The following SNAP47 variants were observed in gnomAD, a reference collection of about 807,000 sequenced individuals.
SNAP47 encodes synaptosomal-associated protein 47.
In SNAP47, 20 loss-of-function variants were observed where a neutral mutation model predicts 31.4. That is an observed-to-expected ratio of 0.64 (90% confidence interval 0.45 to 0.93). The LOEUF (loss-of-function observed/expected upper bound fraction) is 0.93. Ranked by LOEUF, SNAP47 falls within the 40% of genes least tolerant of loss-of-function variation. The pLI is 0.00. For synonymous variants in SNAP47, 194 were observed against 213.4 expected (o/e 0.91, Z 0.79); for missense variants, 492 against 528.5 (o/e 0.93, Z 0.68).
chr1:227,770,513 T>G (rs1259740031), intron 4 of SNAP47: 1 of 154,802 alleles, frequency 6.5e-6, no homozygotes, highest in Non-Finnish European at 1.5e-5. Flanking sequence ...CCCTGCCTTC[T>G]ATGAAACTAT....
rs1045904454 is a variant in SNAP47, at chr1:227,763,388, G to C, written c.989-3571G>C. Among the ~76,000 whole-genome samples, 4 of 152,214 alleles carry C rather than the reference G, an allele frequency of 2.6e-5. No homozygotes were observed. The highest frequency in any genetic ancestry group is 9.7e-5 in the African/African-American group (4 of 41,446). On this transcript the variant is annotated intron_variant, in intron 3 of 4. Transcript: ENST00000617596. This position sits in a 1 kb window ranked among gnomAD's most constrained non-coding sequence, Gnocchi z 4.2. ...GCCTGTACCTCTGCTTCCCCGGGCC[G>C]TGTGTCTGTCTGCACAGCAGCACCA... is the stretch of plus-strand genomic sequence containing the variant.
chr1:227,761,008 C>T (rs575632527), intron 3 of SNAP47, among the ~76,000 whole-genome samples: 4 of 152,198 alleles, frequency 2.6e-5, no homozygotes, highest in Admixed American at 6.5e-5. Flanking sequence ...ATAGCTAATA[C>T]GCATGCATGT....
intron 2 of SNAP47, among the ~76,000 whole-genome samples, chr1:227,758,004 A>G (rs920147003): frequency 6.6e-6 from 1 of 152,190 alleles, no homozygotes; most frequent in East Asian, 1.9e-4. Context: ...GGGGAAAGAA[A>G]CAAATGAGCT....
chr1:227,733,443 T>G (rs775085027), upstream of SNAP47: 3 of 1,582,026 alleles, frequency 1.9e-6, no homozygotes, highest in Non-Finnish European at 2.6e-6. Context: ...TGCCAGCCAC[T>G]GGGCACAAAC....
intron 4 of SNAP47, among the ~76,000 whole-genome samples, chr1:227,771,445 C>T (rs1663796985): frequency 6.6e-6 from 1 of 152,156 alleles, no homozygotes; most frequent in South Asian, 2.1e-4. Flanking sequence ...AACATGCACA[C>T]AGCAGGAGGC....
At position 227,767,198 on chromosome 1, in the gene SNAP47, C is replaced by T. The variant is rs186917638; in HGVS notation, c.1113+115C>T. 5,470 of 1,457,512 alleles carry T rather than the reference C, an allele frequency of 3.8e-3. 48 individuals carry two copies. Among genetic ancestry groups the T allele is most frequent in the Non-Finnish European group, 4.5e-3 (4,891 of 1,081,464 alleles). 90.3% of individuals were successfully genotyped at this position (1,457,512 alleles called of 1,614,324 possible). A position where few individuals can be genotyped will look rare whatever the true frequency, so the allele number is the denominator to read the frequency against. On this transcript the variant is annotated intron_variant, in intron 4 of 4. Transcript: ENST00000617596. ...CTGGGTCATCCATCCGTATTGGCCT[C>T]GCACCAAGGAGGAGCTGCTGGCCTC...
intron 1 of SNAP47, among the ~76,000 whole-genome samples, chr1:227,740,109 C>G (rs533461378): frequency 2.4e-4 from 37 of 152,254 alleles, no homozygotes; most frequent in Admixed American, 1.6e-3. Context: ...AAAGCACCAA[C>G]TCTCTGGAGT....
intron 4 of SNAP47, chr1:227,770,724 A>C (rs555561338): frequency 3.3e-4 from 51 of 154,624 alleles, no homozygotes; most frequent in African/African-American, 1.2e-3. Context: ...GTACCTAATG[A>C]ATGTAAGATA....
chr1:227,733,045 C>G (rs1660777044), upstream of SNAP47: 1 of 1,612,772 alleles, frequency 6.2e-7, no homozygotes, highest in African/African-American at 1.3e-5. Context: ...GGGCACAGTG[C>G]AGGCAGGCCT....
upstream of SNAP47, chr1:227,733,928 T>C (rs1660861973): frequency 3.1e-6 from 5 of 1,613,658 alleles, no homozygotes; most frequent in South Asian, 1.1e-5. Context: ...AGGCCCCGCG[T>C]AGACAAAGCG....
At chr1:227,740,318 T>C (rs1473667382) in intron 1 of SNAP47, among the ~76,000 whole-genome samples, 1 of 152,186 alleles carries the variant, frequency 6.6e-6, no homozygotes, top group Non-Finnish European at 1.5e-5. Context: ...TGGATCTCAT[T>C]CCAAGTACAC....
chr1:227,735,099 TG>T, upstream of SNAP47: 1 of 1,574,320 alleles, frequency 6.4e-7, no homozygotes, highest in South Asian at 1.2e-5. Context: ...GTGAAGGCGC[TG>T]GAAAACACGC....
intron 2 of SNAP47, among the ~76,000 whole-genome samples, chr1:227,754,030 C>T (rs1488222367): frequency 2.0e-5 from 3 of 152,192 alleles, no homozygotes; most frequent in Non-Finnish European, 2.9e-5. Context: ...GGATTCTTGC[C>T]TTGGTGTACC....
rs185413241 is a variant in SNAP47 at position 227,761,880 on chromosome 1, G to A, written c.988+2395G>A. Among the ~76,000 whole-genome samples the A allele has an allele frequency of 1.8e-3, 277 of 152,310 alleles. 1 individual carries two copies. The highest frequency in any genetic ancestry group is 6.5e-3 in the African/African-American group (269 of 41,570). On this transcript the variant is annotated intron_variant, in intron 3 of 4. Coordinates refer to ENST00000617596, the MANE Select transcript of SNAP47 (RefSeq NM_053052.4). ...GAGCACTCCTGTGTTCCGCAGGCTGGTGTTTGTAAGTGGGTTCCTGCAATC... is the reference window on the plus strand; with the variant it reads ...GAGCACTCCTGTGTTCCGCAGGCTGATGTTTGTAAGTGGGTTCCTGCAATC...
At chr1:227,734,326 G>A (rs141876853), upstream of SNAP47, 5 of 407,368 alleles carry the variant, frequency 1.2e-5, no homozygotes, top group African/African-American at 4.4e-5. Flanking sequence ...GACCAGCCTG[G>A]GCAACATGGT....
chr1:227,737,266 T>C (rs1414096338), intron 1 of SNAP47, among the ~76,000 whole-genome samples: 4 of 152,146 alleles, frequency 2.6e-5, no homozygotes, highest in African/African-American at 9.7e-5. Flanking sequence ...TGTGTGCACA[T>C]AGGTGCTCTG....
upstream of SNAP47, chr1:227,734,863 C>A (rs187703819): frequency 6.5e-4 from 1,038 of 1,608,254 alleles, 8 homozygotes; most frequent in African/African-American, 0.012. Context: ...GCCCCGTCCT[C>A]ACTCCAAACC....
upstream of SNAP47, chr1:227,735,005 GC>G (rs1660982646): frequency 6.6e-7 from 1 of 1,520,542 alleles, no homozygotes; most frequent in South Asian, 1.3e-5. Context: ...TGCGGCCGCC[GC>G]CCCACCGTAG....
At chr1:227,777,194 A>G in intron 4 of SNAP47, 2 of 665,836 alleles carry the variant, frequency 3.0e-6, no homozygotes, top group South Asian at 1.3e-4. Context: ...AATTGTACAT[A>G]CTCATGGGTT....
Sources: gnomAD v4.1 joint callset for allele counts (sites outside exome capture counted in the v4.1 genomes callset) on GRCh38, gnomAD v4.1.1 for gene constraint, Gnocchi (gnomAD v3.1) non-coding constraint, MANE v1.5 for transcripts, NCBI Gene and HGNC (gene_info 2026-07-23, HGNC 2026-07-21) for gene names.